Variants in CDH13 observed in about 807,000 individuals in gnomAD.
The protein encoded by CDH13 is cadherin-13.
In CDH13, 24 loss-of-function variants were observed where a neutral mutation model predicts 63.8. That is an observed-to-expected ratio of 0.38 (90% CI 0.27 to 0.53). CDH13 has a LOEUF of 0.53. CDH13 is among the 20% of genes least tolerant of loss of function. The pLI is 0.85. For missense variants in CDH13, 1,049 were observed against 903.1 expected (o/e 1.16, Z -2.07); for synonymous variants, 503 against 355.3 (o/e 1.42, Z -4.67).
At chr16:83,428,383 A>T (rs1208151516) in intron 6 of CDH13, among the ~76,000 whole-genome samples, 1 of 151,160 alleles carries the variant, frequency 6.6e-6, no homozygotes, top group Non-Finnish European at 1.5e-5. Context: ...TTTTTTTTTT[A>T]ACTCCAATAT....
chr16:83,209,763 G>A (rs2039286945), intron 4 of CDH13, among the ~76,000 whole-genome samples: 1 of 152,086 alleles, frequency 6.6e-6, no homozygotes, highest in Non-Finnish European at 1.5e-5. Context: ...AACAGACCTT[G>A]CAGGCGAGGA....
chr16:83,100,669 T>G (rs1269445343), intron 3 of CDH13, among the ~76,000 whole-genome samples: 1 of 152,210 alleles, frequency 6.6e-6, no homozygotes, highest in Non-Finnish European at 1.5e-5. Context: ...TTGCTGTATC[T>G]AAAAAGCATT....
chr16:83,039,844 C>T (rs1019362115), intron 3 of CDH13, among the ~76,000 whole-genome samples: 3 of 152,112 alleles, frequency 2.0e-5, no homozygotes, highest in African/African-American at 7.2e-5. Flanking sequence ...GACATTGTTC[C>T]TTCCACTGAG....
intron 5 of CDH13, among the ~76,000 whole-genome samples, chr16:83,289,575 C>T (rs1432701125): frequency 6.6e-6 from 1 of 152,108 alleles, no homozygotes; most frequent in South Asian, 2.1e-4. Context: ...ATGGAGTAAA[C>T]ATACAGGATT....
At chr16:82,628,664 G>A (rs1907648398) in intron 1 of CDH13, among the ~76,000 whole-genome samples, 1 of 152,040 alleles carries the variant, frequency 6.6e-6, no homozygotes, top group African/African-American at 2.4e-5. Context: ...ATTATCTTGG[G>A]GTCCCTACAG....
At chr16:83,684,882 ATTTT>A (rs1000317871) in intron 10 of CDH13, among the ~76,000 whole-genome samples, 1 of 150,636 alleles carries the variant, frequency 6.6e-6, no homozygotes, top group African/African-American at 2.4e-5. Flanking sequence ...ACGGAAGTTG[ATTTT>A]TTTTTTCTCA....
chr16:83,459,075 C>A (rs543059680), intron 6 of CDH13, among the ~76,000 whole-genome samples: 10 of 152,278 alleles, frequency 6.6e-5, no homozygotes, highest in African/African-American at 1.9e-4. Flanking sequence ...CCAAGATGGC[C>A]AACAGCACAA....
intron 2 of CDH13, among the ~76,000 whole-genome samples, chr16:82,964,956 A>C (rs1330032229): frequency 6.6e-6 from 1 of 152,220 alleles, no homozygotes; most frequent in African/African-American, 2.4e-5. Context: ...TCCTCCAAGA[A>C]TATCACCCCA....
chr16:83,742,293 G>T (rs572103572), intron 10 of CDH13, among the ~76,000 whole-genome samples: 1 of 152,150 alleles, frequency 6.6e-6, no homozygotes, highest in Non-Finnish European at 1.5e-5. Context: ...CGCTGCCTGC[G>T]ACTCGAATTC....
intron 6 of CDH13, among the ~76,000 whole-genome samples, chr16:83,349,662 A>G (rs940702674): frequency 6.6e-6 from 1 of 152,014 alleles, no homozygotes; most frequent in African/African-American, 2.4e-5. Context: ...GTGCAATAGT[A>G]TGATCTCAGC....
chr16:82,922,502 C>T (rs2042186204), intron 2 of CDH13, among the ~76,000 whole-genome samples: 1 of 152,164 alleles, frequency 6.6e-6, no homozygotes, highest in Non-Finnish European at 1.5e-5. Context: ...TAGAATCAAT[C>T]AGATTTAGAC....
At chr16:83,264,371 C>T (rs1035377410) in intron 5 of CDH13, among the ~76,000 whole-genome samples, 1 of 152,004 alleles carries the variant, frequency 6.6e-6, no homozygotes, top group African/African-American at 2.4e-5. Flanking sequence ...TTGGTTTGGC[C>T]AATCGCTTTT....
chr16:82,751,729 T>A (rs192106032), intron 1 of CDH13, among the ~76,000 whole-genome samples: 1 of 151,928 alleles, frequency 6.6e-6, no homozygotes, highest in East Asian at 1.9e-4. Context: ...AAGTTTTGTC[T>A]GCTTTTTAGA....
chr16:82,734,411 A>C (rs895352769), intron 1 of CDH13, among the ~76,000 whole-genome samples: 2 of 152,192 alleles, frequency 1.3e-5, no homozygotes, highest in African/African-American at 4.8e-5. Flanking sequence ...CAGGATGGGA[A>C]TATGCCTAGT....
At chr16:83,000,223 A>ATTTTTTTTTTTTTTTTTTTT (rs746904500) in intron 2 of CDH13, among the ~76,000 whole-genome samples, 2 of 37,030 alleles carry the variant, frequency 5.4e-5, no homozygotes, top group African/African-American at 7.8e-5. Flanking sequence ...GGTTTAGCTT[A>ATTTTTTTTTTTTTTTTTTTT]TTTTTTTTTT....
chr16:83,064,653 T>C (rs2031852150), intron 3 of CDH13, among the ~76,000 whole-genome samples: 1 of 152,196 alleles, frequency 6.6e-6, no homozygotes, highest in East Asian at 1.9e-4. Context: ...TAGCTCACTT[T>C]CCAATTCAGA....
chr16:82,812,190 C>G (rs576165774), intron 1 of CDH13, among the ~76,000 whole-genome samples: 5 of 152,122 alleles, frequency 3.3e-5, no homozygotes, highest in African/African-American at 1.2e-4. Context: ...GGCCCCTCTT[C>G]GAAGGATCCT....
At chr16:82,853,184 A>G (rs1358109420) in intron 1 of CDH13, among the ~76,000 whole-genome samples, 1 of 152,190 alleles carries the variant, frequency 6.6e-6, no homozygotes, top group Non-Finnish European at 1.5e-5. Flanking sequence ...ACTCAATCAT[A>G]TCAGGCACTG....
intron 4 of CDH13, chr16:83,180,862 T>C (rs939272623): frequency 3.3e-6 from 5 of 1,513,730 alleles, no homozygotes; most frequent in Admixed American, 2.0e-5. Context: ...GTTTTTTTTT[T>C]CTTACAGAGA....
Sources: gnomAD v4.1 joint callset for allele counts (sites outside exome capture counted in the v4.1 genomes callset) on GRCh38, gnomAD v4.1.1 for gene constraint, MANE v1.5 for transcripts, NCBI Gene and HGNC (gene_info 2026-07-23, HGNC 2026-07-21) for gene names.